The following ABCC9 variants were observed in gnomAD, a reference collection of about 807,000 sequenced individuals.
ABCC9 encodes the protein ATP binding cassette subfamily C member 9.
ABCC9 carries 95 observed loss-of-function variants against 188.3 expected under a neutral mutation model. The observed-to-expected ratio is 0.50, with a 90% CI of 0.43 to 0.60. ABCC9 has a LOEUF of 0.60. Among genes scored for constraint, ABCC9 ranks in the 20% least tolerant of loss-of-function variants. ABCC9 has a pLI of 0.00. For missense variants in ABCC9, 1,102 were observed against 1,876.3 expected (o/e 0.59, Z 7.62); for synonymous variants, 659 against 652.7 (o/e 1.01, Z -0.15).
intron 18 of ABCC9, among the ~76,000 whole-genome samples, chr12:21,872,322 C>CT (rs901293286): frequency 6.6e-6 from 1 of 152,158 alleles, no homozygotes; most frequent in African/African-American, 2.4e-5. Context: ...ATAGAATAAA[C>CT]TTTTAAGTTA....
Position 21,800,882 on chromosome 12 carries a change from T to C in ABCC9, c.*162A>G, listed in dbSNP as rs1941394241. On this transcript the variant is annotated 3_prime_UTR_variant, in exon 40 of 40. Transcript: ENST00000261200. ...ATAATGAACATATTAAGCAATAATA[T>C]CTTGAAAAACTGTTTTAAAAACAGG... 3.8e-6 allele frequency: 3 copies of C among 780,084 alleles called. No individual in the cohort carries two copies. The highest frequency in any genetic ancestry group is 1.7e-5 in the African/African-American group (1 of 57,232). 48.3% of individuals were successfully genotyped at this position (780,084 alleles called of 1,614,324 possible).
At chr12:21,891,234 G>C (rs1446653153) in intron 14 of ABCC9, among the ~76,000 whole-genome samples, 1 of 152,168 alleles carries the variant, frequency 6.6e-6, no homozygotes, top group African/African-American at 2.4e-5. Flanking sequence ...CACAGAAGAT[G>C]CTCTGAGGCT....
At chr12:21,833,579 G>A (rs757345952) in intron 30 of ABCC9, among the ~76,000 whole-genome samples, 4 of 151,906 alleles carry the variant, frequency 2.6e-5, no homozygotes, top group East Asian at 1.9e-4. Context: ...TTCCCTTCAC[G>A]ATGCTCTGCC....
Position 21,941,401 on chromosome 12 carries a change from C to T in ABCC9, c.-338G>A, listed in dbSNP as rs1399726684. On this transcript the variant is annotated 5_prime_UTR_variant, in exon 1 of 40. Transcript: ENST00000261200. This position sits in a 1 kb window ranked among gnomAD's most constrained non-coding sequence, Gnocchi z 5.4. ...CCGCGCCTGGGGCCGGAGACCTTCCCCATCCCTGCTCTGCTCAGCTTTGAC... is the reference window on the plus strand; with the variant it reads ...CCGCGCCTGGGGCCGGAGACCTTCCTCATCCCTGCTCTGCTCAGCTTTGAC... The T allele has an allele frequency of 6.6e-6, 1 of 152,456 alleles. No homozygotes were observed. Among genetic ancestry groups the T allele is most frequent in the South Asian group, 2.1e-4 (1 of 4,834 alleles). 9.4% of individuals were successfully genotyped at this position (152,456 alleles called of 1,614,324 possible). A position where few individuals can be genotyped will look rare whatever the true frequency, so the allele number is the denominator to read the frequency against.
intron 5 of ABCC9, among the ~76,000 whole-genome samples, chr12:21,922,440 A>G (rs1165134677): frequency 6.6e-6 from 1 of 151,980 alleles, no homozygotes; most frequent in Non-Finnish European, 1.5e-5. Flanking sequence ...ATTTGCTGGT[A>G]TTTTGTTGAG....
chr12:21,856,040 T>G (rs888045635), intron 22 of ABCC9, among the ~76,000 whole-genome samples: 2 of 152,188 alleles, frequency 1.3e-5, no homozygotes, highest in Non-Finnish European at 2.9e-5. Flanking sequence ...AACAATAATG[T>G]CAAACCTAGG....
At chr12:21,936,508 T>C in intron 3 of ABCC9, 25 bp downstream of exon 3, 2 of 1,584,688 alleles carry the variant, frequency 1.3e-6, no homozygotes, top group Non-Finnish European at 1.7e-6. Flanking sequence ...TCAAATGGTA[T>C]AACATAAGAT....
At chr12:21,846,834 A>T (rs1003322442) in intron 25 of ABCC9, among the ~76,000 whole-genome samples, 4 of 152,112 alleles carry the variant, frequency 2.6e-5, no homozygotes, top group Non-Finnish European at 4.4e-5. Context: ...AAAGTTGTCC[A>T]TGGCTGCCCA....
In ABCC9 at chr12:21,844,647, C is replaced by T; in HGVS notation, c.3246-95G>A. 37 of 1,540,842 alleles carry T rather than the reference C, an allele frequency of 2.4e-5. 1 individual carries two copies. Among genetic ancestry groups the T allele is most frequent in the South Asian group, 3.4e-5 (3 of 89,428 alleles). On this transcript the variant is annotated intron_variant, in intron 27 of 39. Coordinates refer to ENST00000261200, the MANE Select transcript of ABCC9 (RefSeq NM_020297.4). Reference sequence around the variant, plus strand: ...ATCTTAGTGTCATGAAAATGAGAAGCTCCCTATTCATTTGCTCAAGGACTA... The same window carrying T: ...ATCTTAGTGTCATGAAAATGAGAAGTTCCCTATTCATTTGCTCAAGGACTA...
intron 31 of ABCC9, among the ~76,000 whole-genome samples, chr12:21,828,204 A>G (rs1943504339): frequency 6.6e-6 from 1 of 152,192 alleles, no homozygotes; most frequent in Admixed American, 6.5e-5. Flanking sequence ...TACAAACTAT[A>G]TTCCTTGCCT....
At chr12:21,928,433 A>G (rs1949136904) in intron 4 of ABCC9, among the ~76,000 whole-genome samples, 1 of 138,850 alleles carries the variant, frequency 7.2e-6, no homozygotes. Context: ...GAAAGAAAAA[A>G]AGAAAAGAAA....
intron 36 of ABCC9, 21 bp downstream of exon 36, chr12:21,812,028 G>T (rs771769510): frequency 6.6e-7 from 1 of 1,524,694 alleles, no homozygotes; most frequent in South Asian, 1.1e-5. Context: ...GCATACAGGT[G>T]TTGCTAAATA....
In ABCC9 at chr12:21,872,605, C is replaced by A; in HGVS notation, c.2198+20G>T. Reference sequence around the variant, plus strand: ...CAGATGTATGACATAGCAATGGAAGCCAACTAAAAATATACATACTTGCTC... The same window carrying A: ...CAGATGTATGACATAGCAATGGAAGACAACTAAAAATATACATACTTGCTC... On this transcript the variant is annotated intron_variant, in intron 18 of 39. Transcript: ENST00000261200. The A allele has an allele frequency of 6.4e-7, 1 of 1,567,128 alleles. No homozygotes were observed. The highest frequency in any genetic ancestry group is 1.1e-5 in the South Asian group (1 of 89,984).
At chr12:21,893,398 A>AT in intron 14 of ABCC9, among the ~76,000 whole-genome samples, 1 of 152,338 alleles carries the variant, frequency 6.6e-6, no homozygotes. Flanking sequence ...TGATGTGAAC[A>AT]TTCTCTGTCA....
Position 21,875,649 on chromosome 12 carries a change from C to T in ABCC9, c.2092+5G>A, listed in dbSNP as rs763488230. ...TTACAAAAATGCATAACAGATAACTCTTACCTGTTGGAATTCGAATATCTA... is the reference window on the plus strand; with the variant it reads ...TTACAAAAATGCATAACAGATAACTTTTACCTGTTGGAATTCGAATATCTA... On this transcript the variant is annotated splice_donor_5th_base_variant and intron_variant, in intron 17 of 39. Transcript: ENST00000261200. 3 of 1,595,050 alleles carry T rather than the reference C, an allele frequency of 1.9e-6. No homozygotes were observed. The East Asian group carries it at 6.7e-5, about 36-fold the overall frequency.
At chr12:21,820,314 A>G (rs1421573777) in intron 31 of ABCC9, among the ~76,000 whole-genome samples, 1 of 152,006 alleles carries the variant, frequency 6.6e-6, no homozygotes, top group African/African-American at 2.4e-5. Context: ...TAAGAGTTTG[A>G]GGCAAGGTAC....
At position 21,842,620 on chromosome 12, in the gene ABCC9, A is replaced by G; in HGVS notation, c.3316-149T>C. The stretch of plus-strand genomic sequence containing the variant: ...GTTCATCCTAAGCAATTCTTCACTC[A>G]CTTCCCATAGTTTATTATGTCTGTC... On this transcript the variant is annotated intron_variant, in intron 28 of 39. Transcript: ENST00000261200. The G allele has an allele frequency of 3.8e-6, 3 of 780,242 alleles. No homozygotes were observed. In the Middle Eastern group the frequency reaches 8.1e-4, roughly 209 times the overall value. The allele number at this position is 780,242 out of a possible 1,614,324, so 48.3% of individuals were successfully genotyped here.
chr12:21,848,191 T>C lies in ABCC9; in HGVS notation c.2825A>G (p.Tyr942Cys), dbSNP rs1254410155. 3 of 1,613,680 alleles carry C rather than the reference T, an allele frequency of 1.9e-6. No homozygotes were observed. Among genetic ancestry groups the C allele is most frequent in the Non-Finnish European group, 2.5e-6 (3 of 1,179,650 alleles). The change falls in exon 25 of 40, where the codon TAT becomes TGT. Residue 942 changes from tyrosine to cysteine, a missense_variant. Physicochemically the swap from Tyr to Cys is radical, Grantham distance 194. This residue lies in a region of ABCC9 where 131 missense variants were observed against 170.2 expected (regional missense o/e 0.77). Transcript: ENST00000261200. Reference protein sequence around the residue: ...LERKTLRRAMYSREAKAQMED... With the variant: ...LERKTLRRAMCSREAKAQMED... Reference sequence around the variant, plus strand: ...CATCTGGGCTTTGGCTTCTCTTGAATACATGGCCCGTCGGAGAGTTTTCCT... The same window carrying C: ...CATCTGGGCTTTGGCTTCTCTTGAACACATGGCCCGTCGGAGAGTTTTCCT...
intron 22 of ABCC9, among the ~76,000 whole-genome samples, chr12:21,852,898 T>G (rs756710382): frequency 1.3e-5 from 2 of 152,372 alleles, no homozygotes; most frequent in Middle Eastern, 3.4e-3. Context: ...CAAAATGTTT[T>G]GAATTCTTAC....
Sources: allele counts gnomAD v4.1 joint callset (sites outside exome capture counted in the v4.1 genomes callset), GRCh38; gene constraint gnomAD v4.1.1; regional missense constraint gnomAD v4.1.1; non-coding constraint Gnocchi (gnomAD v3.1); transcripts MANE v1.5; gene names NCBI Gene and HGNC (gene_info 2026-07-23, HGNC 2026-07-21).